The following CORO2A variants were observed in gnomAD, a reference collection of about 807,000 sequenced individuals.
CORO2A encodes coronin 2A.
Under a neutral mutation model 62.4 loss-of-function variants are expected in CORO2A, and 47 were observed. The ratio of observed to expected loss-of-function variants is 0.75; its 90% CI spans 0.60 to 0.96. The LOEUF (loss-of-function observed/expected upper bound fraction) is 0.96. Ranked by LOEUF, CORO2A falls within the 40% of genes least tolerant of loss-of-function variation. CORO2A has a pLI of 0.00. For missense variants in CORO2A, 610 were observed against 684.1 expected, an observed-to-expected ratio of 0.89 and a Z score of 1.21; for synonymous variants, 273 against 268.9, an observed-to-expected ratio of 1.02 and a Z score of -0.15.
rs780642392 is a variant in CORO2A, at chr9:98,132,313, C to T, written c.649-12G>A. The T allele has an allele frequency of 2.2e-5, 36 of 1,608,996 alleles. No homozygotes were observed. Among genetic ancestry groups the T allele is most frequent in the African/African-American group, 5.3e-5 (4 of 74,814 alleles). ...TTGTAGCTGGCCTCCTGGAGGGACA[C>T]GTGCGGTCGGTATTGGAGAGACAGT... is the stretch of plus-strand genomic sequence containing the variant. On this transcript the variant is annotated splice_polypyrimidine_tract_variant and intron_variant, in intron 5 of 11. Transcript: ENST00000375077.
intron 2 of CORO2A, among the ~76,000 whole-genome samples, chr9:98,149,404 G>T (rs1237893499): frequency 6.6e-6 from 1 of 152,172 alleles, no homozygotes; most frequent in Non-Finnish European, 1.5e-5. Flanking sequence ...GCTCCTGGGT[G>T]TGTTAGTCCA....
chr9:98,179,307 C>T (rs1264730354), intron 1 of CORO2A, among the ~76,000 whole-genome samples: 1 of 152,190 alleles, frequency 6.6e-6, no homozygotes, highest in Admixed American at 6.5e-5. Flanking sequence ...CTGCAGGACG[C>T]GGAGACCCTG....
chr9:98,145,240 A>G (rs1392137588), intron 2 of CORO2A, among the ~76,000 whole-genome samples: 1 of 152,162 alleles, frequency 6.6e-6, no homozygotes, highest in Non-Finnish European at 1.5e-5. Flanking sequence ...TCCTACTTTC[A>G]GACCTTGTGA....
intron 1 of CORO2A, among the ~76,000 whole-genome samples, chr9:98,163,520 C>A (rs1478945260): frequency 6.6e-6 from 1 of 152,138 alleles, no homozygotes; most frequent in Non-Finnish European, 1.5e-5. Flanking sequence ...CTGACAGTGG[C>A]TCACAACTCT....
intron 1 of CORO2A, among the ~76,000 whole-genome samples, chr9:98,192,058 G>T (rs2118953646): frequency 6.6e-6 from 1 of 152,336 alleles, no homozygotes; most frequent in South Asian, 2.1e-4. Flanking sequence ...GCCCAGGCCG[G>T]CTTGGCGGGG....
At chr9:98,131,166 G>T (rs1827402990) in intron 6 of CORO2A, 107 bp from the exon 7 acceptor site, 2 of 700,706 alleles carry the variant, frequency 2.9e-6, no homozygotes, top group African/African-American at 3.6e-5. Context: ...GAGAGTGTGT[G>T]TGTCAGAGAA....
At chr9:98,168,024 C>G (rs1388581389) in intron 1 of CORO2A, among the ~76,000 whole-genome samples, 1 of 152,190 alleles carries the variant, frequency 6.6e-6, no homozygotes, top group Admixed American at 6.5e-5. Context: ...TGGCCCAGGC[C>G]CCGGAGCTTG....
At chr9:98,174,800 A>G (rs1828086758) in intron 1 of CORO2A, among the ~76,000 whole-genome samples, 1 of 152,166 alleles carries the variant, frequency 6.6e-6, no homozygotes, top group African/African-American at 2.4e-5. Context: ...CTGTGAGTCA[A>G]TTAAACCTCT....
At chr9:98,151,288 T>G (rs930566010) in intron 2 of CORO2A, among the ~76,000 whole-genome samples, 2 of 152,228 alleles carry the variant, frequency 1.3e-5, no homozygotes, top group Non-Finnish European at 2.9e-5. Context: ...AAGAGAATGC[T>G]GTGGGAATTT....
Position 98,128,701 on chromosome 9 carries a change from C to T in CORO2A, c.986G>A (p.Gly329Glu). 6.2e-7 allele frequency: 1 copy of T among 1,614,144 alleles called. No homozygotes were observed. Among genetic ancestry groups the T allele is most frequent in the Non-Finnish European group, 8.5e-7 (1 of 1,180,014 alleles). Residue 329 changes from glycine (G) to glutamate (E), a missense_variant, in exon 9 of 12, where the codon GGA becomes GAA. Physicochemically the swap from Gly to Glu is moderately conservative, Grantham distance 98. Coordinates refer to ENST00000375077, the MANE Select transcript of CORO2A (RefSeq NM_052820.4). Reference protein sequence around the residue: ...QKGIGVMPKRGLDVSSCEIFR... With the variant: ...QKGIGVMPKRELDVSSCEIFR... ...GATCTCGCAGGAGGACACGTCGAGT[C>T]CTCTCTTTGGCATGACACCTGAAGG...
intron 2 of CORO2A, among the ~76,000 whole-genome samples, chr9:98,148,003 T>C (rs549627941): frequency 7.3e-5 from 11 of 151,592 alleles, no homozygotes; most frequent in African/African-American, 1.5e-4. Context: ...TCCTGGCACT[T>C]TGGGAGGCTG....
chr9:98,179,736 G>A (rs1828152785), intron 1 of CORO2A, among the ~76,000 whole-genome samples: 1 of 152,152 alleles, frequency 6.6e-6, no homozygotes, highest in Non-Finnish European at 1.5e-5. Context: ...CAGGCGCGGT[G>A]GCTCTTGCCT....
At chr9:98,175,274 C>T (rs1271602198) in intron 1 of CORO2A, among the ~76,000 whole-genome samples, 2 of 152,098 alleles carry the variant, frequency 1.3e-5, no homozygotes, top group Non-Finnish European at 2.9e-5. Context: ...CCCCAGACAC[C>T]AGGAGCCTCC....
intron 1 of CORO2A, among the ~76,000 whole-genome samples, chr9:98,170,356 C>T (rs146320064): frequency 5.9e-5 from 9 of 152,220 alleles, no homozygotes; most frequent in Non-Finnish European, 1.3e-4. Context: ...CTTCTGAACC[C>T]CTCCTTGAGG....
At chr9:98,137,752 A>G in intron 2 of CORO2A, 64 bp from the exon 3 acceptor site, 2 of 1,209,232 alleles carry the variant, frequency 1.7e-6, no homozygotes, top group East Asian at 4.7e-5. Flanking sequence ...CTGGACAGTC[A>G]CATAGTCAGT....
At chr9:98,147,951 A>G (rs1312823329) in intron 2 of CORO2A, among the ~76,000 whole-genome samples, 1 of 152,180 alleles carries the variant, frequency 6.6e-6, no homozygotes, top group African/African-American at 2.4e-5. Flanking sequence ...ATTCAGCAGT[A>G]AGAAAGGACA....
At chr9:98,133,250 G>C in intron 4 of CORO2A, 33 bp from the exon 5 acceptor site, 1 of 1,608,462 alleles carries the variant, frequency 6.2e-7, no homozygotes, top group East Asian at 2.2e-5. Flanking sequence ...TGAGCACAGG[G>C]GCCACCTTGC....
Position 98,130,952 on chromosome 9 carries a change from G to T in CORO2A, c.870+3C>A, listed in dbSNP as rs760279831. 3.1e-6 allele frequency: 5 copies of T among 1,597,504 alleles called. No homozygotes were observed. Among genetic ancestry groups the T allele is most frequent in the Non-Finnish European group, 3.4e-6 (4 of 1,164,964 alleles). On this transcript the variant is annotated splice_donor_region_variant and intron_variant, in intron 7 of 11. Coordinates refer to ENST00000375077, the MANE Select transcript of CORO2A (RefSeq NM_052820.4). ...GGTCACCTCCCTCCCGTGCCAAGCCGACCTTCCCCACCACGTAGAGCATGC... is the reference window on the plus strand; with the variant it reads ...GGTCACCTCCCTCCCGTGCCAAGCCTACCTTCCCCACCACGTAGAGCATGC...
chr9:98,166,696 G>T (rs1827965669), intron 1 of CORO2A, among the ~76,000 whole-genome samples: 1 of 152,154 alleles, frequency 6.6e-6, no homozygotes, highest in Non-Finnish European at 1.5e-5. Flanking sequence ...TGAAAGCAGG[G>T]TCTAGAAGAG....
Sources: gnomAD v4.1 joint callset for allele counts (sites outside exome capture counted in the v4.1 genomes callset) on GRCh38, gnomAD v4.1.1 for gene constraint, MANE v1.5 for transcripts, NCBI Gene and HGNC (gene_info 2026-07-23, HGNC 2026-07-21) for gene names.